Variants in UBTD1 observed in about 807,000 individuals in gnomAD.
UBTD1 encodes the protein ubiquitin domain containing 1, also known as ubiquitin domain-containing protein 1.
UBTD1 carries 19 observed loss-of-function variants against 21.7 expected under a neutral mutation model. The ratio of observed to expected loss-of-function variants is 0.87; its 90% CI spans 0.61 to 1.28. The LOEUF is 1.28. UBTD1 is among the 50% of genes most tolerant of loss of function. UBTD1 has a pLI of 0.00. For synonymous variants in UBTD1, 116 were observed against 135.1 expected (o/e 0.86, Z 0.98); for missense variants, 282 against 315.1 (o/e 0.89, Z 0.80).
chr10:97,561,300 C>T (rs1030523075), intron 1 of UBTD1, among the ~76,000 whole-genome samples: 1 of 152,114 alleles, frequency 6.6e-6, no homozygotes, highest in South Asian at 2.1e-4. Flanking sequence ...TGAGTTACCT[C>T]GTTTCCTGGT....
chr10:97,562,800 G>A (rs1481986450), intron 1 of UBTD1, among the ~76,000 whole-genome samples: 1 of 152,190 alleles, frequency 6.6e-6, no homozygotes, highest in Non-Finnish European at 1.5e-5. Context: ...ATGTATATAT[G>A]TAGGTCACAG....
intron 1 of UBTD1, among the ~76,000 whole-genome samples, chr10:97,501,549 C>T (rs921025367): frequency 2.6e-5 from 4 of 152,058 alleles, no homozygotes; most frequent in Admixed American, 6.6e-5. Flanking sequence ...GCTGAGATTG[C>T]GCCACTGCAC....
intron 1 of UBTD1, among the ~76,000 whole-genome samples, chr10:97,547,371 G>A (rs2040615934): frequency 2.0e-5 from 3 of 152,116 alleles, no homozygotes; most frequent in South Asian, 4.1e-4. Flanking sequence ...GGGAGTTCCT[G>A]TTTTATTTAT....
intron 1 of UBTD1, among the ~76,000 whole-genome samples, chr10:97,529,046 G>A (rs1320975484): frequency 6.6e-6 from 1 of 151,794 alleles, no homozygotes; most frequent in Non-Finnish European, 1.5e-5. Flanking sequence ...TCACTTCTCA[G>A]ACAGGGTGGC....
chr10:97,538,275 T>C (rs962212555), intron 1 of UBTD1, among the ~76,000 whole-genome samples: 1 of 152,118 alleles, frequency 6.6e-6, no homozygotes, highest in African/African-American at 2.4e-5. Context: ...GAGGATCCCT[T>C]GAGGCTAGGG....
chr10:97,511,065 G>A (rs760638850), intron 1 of UBTD1, among the ~76,000 whole-genome samples: 1 of 152,036 alleles, frequency 6.6e-6, no homozygotes, highest in African/African-American at 2.4e-5. Flanking sequence ...ATTGTCAGCC[G>A]CAGATACCTC....
intron 1 of UBTD1, among the ~76,000 whole-genome samples, chr10:97,542,542 G>C (rs12253617): frequency 0.046 from 7,015 of 152,262 alleles, 503 homozygotes; most frequent in African/African-American, 0.16. Context: ...CCACTAAAGA[G>C]AGTGTCCCAT....
chr10:97,512,298 A>G (rs544408171), intron 1 of UBTD1, among the ~76,000 whole-genome samples: 1 of 152,120 alleles, frequency 6.6e-6, no homozygotes, highest in South Asian at 2.1e-4. Context: ...GGACAGCAGC[A>G]CTTTGTAATG....
chr10:97,570,748 G>C lies in UBTD1; in HGVS notation c.*225G>C. On this transcript the variant is annotated 3_prime_UTR_variant, in exon 3 of 3. Coordinates refer to ENST00000370664, the MANE Select transcript of UBTD1 (RefSeq NM_024954.5). This position sits in a 1 kb window ranked among gnomAD's most constrained non-coding sequence, Gnocchi z 6.6. ...CTTGCAACCTTGTCAGAGAAAAGGC[G>C]AACAGGGCCCTCACCCTGCCTGTCT... 1.8e-6 allele frequency: 1 copy of C among 558,164 alleles called. No homozygotes were observed. Among genetic ancestry groups the C allele is most frequent in the East Asian group, 2.9e-5 (1 of 34,548 alleles). 34.6% of individuals were successfully genotyped at this position (558,164 alleles called of 1,614,324 possible).
chr10:97,543,981 G>A (rs1023066405), intron 1 of UBTD1, among the ~76,000 whole-genome samples: 2 of 151,882 alleles, frequency 1.3e-5, no homozygotes, highest in African/African-American at 2.4e-5. Context: ...TGGGTGAGAC[G>A]GTAAAGAATC....
chr10:97,539,605 AAAG>A (rs1201901983), intron 1 of UBTD1, among the ~76,000 whole-genome samples: 9 of 152,126 alleles, frequency 5.9e-5, no homozygotes, highest in Non-Finnish European at 1.2e-4. Flanking sequence ...AAAAAAAAAA[AAAG>A]AAGTTTTGCT....
chr10:97,525,448 C>T (rs909179970), intron 1 of UBTD1, among the ~76,000 whole-genome samples: 7 of 152,148 alleles, frequency 4.6e-5, no homozygotes, highest in African/African-American at 1.7e-4. Flanking sequence ...AGCTGGGCGC[C>T]GACATTTTCT....
chr10:97,499,132 G>A lies in UBTD1; in HGVS notation c.-72G>A. 1 of 1,469,030 alleles carries A rather than the reference G, an allele frequency of 6.8e-7. No individual in the cohort carries two copies. Among genetic ancestry groups the A allele is most frequent in the Non-Finnish European group, 9.1e-7 (1 of 1,101,862 alleles). 91.0% of individuals were successfully genotyped at this position (1,469,030 alleles called of 1,614,324 possible). A position where few individuals can be genotyped will look rare whatever the true frequency, so the allele number is the denominator to read the frequency against. On this transcript the variant is annotated 5_prime_UTR_variant, in exon 1 of 3. Coordinates refer to ENST00000370664, the MANE Select transcript of UBTD1 (RefSeq NM_024954.5). ...CCGGGCGGCCGGAGCCATTGACCCG[G>A]GACGCCGCCGTCCGCTGAGCAGCCG...
chr10:97,500,249 G>A (rs1435742721), intron 1 of UBTD1, among the ~76,000 whole-genome samples: 2 of 152,202 alleles, frequency 1.3e-5, no homozygotes, highest in Non-Finnish European at 2.9e-5. Context: ...ATCCCCTTAT[G>A]TAAGAGGAGC....
At chr10:97,532,461 C>T (rs1257177761) in intron 1 of UBTD1, among the ~76,000 whole-genome samples, 2 of 151,874 alleles carry the variant, frequency 1.3e-5, no homozygotes, top group Non-Finnish European at 2.9e-5. Context: ...GCCTGACCAA[C>T]ATGGAGAAAC....
rs369889541 is a variant in UBTD1 at position 97,561,232 on chromosome 10, C to T, written c.71-6682C>T. On this transcript the variant is annotated intron_variant, in intron 1 of 2. Transcript: ENST00000370664. Reference sequence around the variant, plus strand: ...ATCACTCAGGCTGGCCGGAGTTCCCCACAGGGATGCTCCACAGGGCAGGTC... The same window carrying T: ...ATCACTCAGGCTGGCCGGAGTTCCCTACAGGGATGCTCCACAGGGCAGGTC... Among the ~76,000 whole-genome samples, 4 of 152,214 alleles carry T rather than the reference C, an allele frequency of 2.6e-5. No individual in the cohort carries two copies. In the East Asian group the frequency reaches 5.8e-4, roughly 22 times the overall value.
At chr10:97,532,670 G>A (rs1319995020) in intron 1 of UBTD1, among the ~76,000 whole-genome samples, 2 of 152,080 alleles carry the variant, frequency 1.3e-5, no homozygotes, top group Non-Finnish European at 2.9e-5. Flanking sequence ...GGCACCTGTA[G>A]TCCCAGCTAC....
intron 1 of UBTD1, among the ~76,000 whole-genome samples, chr10:97,506,078 G>A (rs2040398409): frequency 6.6e-6 from 1 of 152,172 alleles, no homozygotes; most frequent in Admixed American, 6.5e-5. Context: ...CTTGGTGAGA[G>A]TGGGACCACA....
intron 1 of UBTD1, among the ~76,000 whole-genome samples, chr10:97,530,876 T>G (rs2040526479): frequency 1.3e-5 from 2 of 151,766 alleles, no homozygotes; most frequent in African/African-American, 4.8e-5. Context: ...TTTTAAAAAT[T>G]TTTTAAATTT....
Sources: gnomAD v4.1 joint callset for allele counts (sites outside exome capture counted in the v4.1 genomes callset) on GRCh38, gnomAD v4.1.1 for gene constraint, Gnocchi (gnomAD v3.1) non-coding constraint, MANE v1.5 for transcripts, NCBI Gene and HGNC (gene_info 2026-07-23, HGNC 2026-07-21) for gene names.